Variants in RPS6KA4 observed in about 807,000 individuals in gnomAD.
The protein encoded by RPS6KA4 is ribosomal protein S6 kinase alpha-4.
RPS6KA4 carries 38 observed loss-of-function variants against 89.6 expected under a neutral mutation model. The ratio of observed to expected loss-of-function variants is 0.42; its 90% CI spans 0.33 to 0.56. The LOEUF is 0.56. Ranked by LOEUF, RPS6KA4 falls within the 20% of genes least tolerant of loss-of-function variation. The pLI, the probability that RPS6KA4 is intolerant of heterozygous loss-of-function variation, is 0.07. For synonymous variants in RPS6KA4, 495 were observed against 492.8 expected (o/e 1.00, Z -0.06); for missense variants, 873 against 1,098.8 (o/e 0.79, Z 2.90).
Position 64,361,962 on chromosome 11 carries a change from C to T in RPS6KA4, c.866C>T (p.Pro289Leu). The change falls in exon 8 of 17, where the codon CCC (proline) becomes CTC (leucine). Residue 289 changes from proline to leucine, a missense_variant. Transcript: ENST00000334205. The surrounding 1 kb of genome is among the most constrained non-coding windows in gnomAD (Gnocchi z 4.7). ...CCTAAGAAGCGATTGGGCGCGGGGCCCCAGGGGGCACAAGAAGTCCGGAAC... is the reference window on the plus strand; with the variant it reads ...CCTAAGAAGCGATTGGGCGCGGGGCTCCAGGGGGCACAAGAAGTCCGGAAC... ...KDPKKRLGAG[P>L]QGAQEVRNHP... The T allele has an allele frequency of 6.2e-7, 1 of 1,610,714 alleles. No homozygotes were observed.
chr11:64,370,803 G>A lies in RPS6KA4; in HGVS notation c.2121+77G>A. 7.0e-7 allele frequency: 1 copy of A among 1,435,562 alleles called. No individual in the cohort carries two copies. The highest frequency in any genetic ancestry group is 9.1e-7 in the Non-Finnish European group (1 of 1,094,220). The allele number at this position is 1,435,562 out of a possible 1,614,324, so 88.9% of individuals were successfully genotyped here. A position where few individuals can be genotyped will look rare whatever the true frequency, so the allele number is the denominator to read the frequency against. On this transcript the variant is annotated intron_variant, in intron 16 of 16. Transcript: ENST00000334205. The surrounding 1 kb of genome is among the most constrained non-coding windows in gnomAD (Gnocchi z 4.1). ...GGGGTCTGGGGAGGCCCGGCCATCG[G>A]AGCACAGAAAGGCGAGGTGAGGCCG...
At position 64,361,899 on chromosome 11, in the gene RPS6KA4, T is replaced by G. The variant is rs1480837394; in HGVS notation, c.803T>G (p.Val268Gly). The change falls in exon 8 of 17, where the codon GTG becomes GGG. Residue 268 changes from valine to glycine, a missense_variant. By Grantham distance (109) the Val-to-Gly change is moderately radical. Transcript: ENST00000334205. This position sits in a 1 kb window ranked among gnomAD's most constrained non-coding sequence, Gnocchi z 4.7. ...SPPFPPRIGP[V>G]AQDLLQRLLC... is the part of the protein sequence containing the mutation. ...CCCTTCCCCCCTCGGATCGGGCCCG[T>G]GGCGCAGGACCTGCTGCAGCGGCTG... 1.2e-6 allele frequency: 2 copies of G among 1,612,602 alleles called. No homozygotes were observed. The highest frequency in any genetic ancestry group is 2.2e-5 in the East Asian group (1 of 44,838).
At position 64,370,333 on chromosome 11, in the gene RPS6KA4, G is replaced by A; in HGVS notation, c.1906G>A (p.Asp636Asn). 1.9e-6 allele frequency: 3 copies of A among 1,605,004 alleles called. No homozygotes were observed. Among genetic ancestry groups the A allele is most frequent in the Non-Finnish European group, 2.5e-6 (3 of 1,177,404 alleles). Residue 636 changes from aspartate (D) to asparagine (N), a missense_variant, in exon 15 of 17, where the codon GAC becomes AAC. By Grantham distance (23) the Asp-to-Asn change is conservative. Around this residue, in one of 4 missense-constraint regions of RPS6KA4, gnomAD observed 278 missense variants for 284.8 expected, o/e 0.98. Transcript: ENST00000334205. This position sits in a 1 kb window ranked among gnomAD's most constrained non-coding sequence, Gnocchi z 4.1. ...AATCCGCGAGGGGCGCTTCTCCCTT[G>A]ACGGGGAGGCCTGGCAGGGTGTATC... ...CKIREGRFSL[D>N]GEAWQGVSEE...
chr11:64,365,191 G>A, intron 8 of RPS6KA4, 110 bp from the exon 9 acceptor site: 1 of 1,305,938 alleles, frequency 7.7e-7, no homozygotes, highest in Non-Finnish European at 1.1e-6. Flanking sequence ...CACCCCAAAT[G>A]CCAGATGGGC....
chr11:64,369,209 T>G (rs1318550747), intron 12 of RPS6KA4, among the ~76,000 whole-genome samples: 1 of 152,144 alleles, frequency 6.6e-6, no homozygotes, highest in Non-Finnish European at 1.5e-5. Flanking sequence ...GAGAATCGCT[T>G]GAACCCGGAA....
At position 64,370,239 on chromosome 11, in the gene RPS6KA4, G is replaced by A. The variant is rs756313163; in HGVS notation, c.1812G>A (p.Ser604=). The change falls in exon 15 of 17, where the codon TCG becomes TCA. Residue 604 remains serine (S), a synonymous_variant. Coordinates refer to ENST00000334205, the MANE Select transcript of RPS6KA4 (RefSeq NM_003942.3). The surrounding 1 kb of genome is among the most constrained non-coding windows in gnomAD (Gnocchi z 4.1). ...CACCCTCCTAGTACATGATGCTGTC[G>A]GGGCAGGTCCCCTTCCAGGGGGCCT... ...SLGVILYMML[S]GQVPFQGASG... 3.8e-6 allele frequency: 6 copies of A among 1,564,838 alleles called. No homozygotes were observed. Among genetic ancestry groups the A allele is most frequent in the African/African-American group, 2.8e-5 (2 of 72,064 alleles).
chr11:64,363,615 C>T (rs58851354), intron 8 of RPS6KA4, among the ~76,000 whole-genome samples: 3,273 of 152,144 alleles, frequency 0.022, 129 homozygotes, highest in African/African-American at 0.075. Flanking sequence ...CCTCAGCCTC[C>T]CGAGTAGCTG....
rs1591317717 is a variant in RPS6KA4, at chr11:64,368,392, C to G, written c.1201-76C>G. ...GGTCCTAAGCCTCTCCGACATGGGG[C>G]GTGGCGGGGCCGCGGGGCTACCAGG... On this transcript the variant is annotated intron_variant, in intron 10 of 16. Transcript: ENST00000334205. The G allele has an allele frequency of 3.2e-6, 5 of 1,540,856 alleles. No individual in the cohort carries two copies. In the South Asian group the frequency reaches 6.0e-5, roughly 18 times the overall value.
chr11:64,370,377 G>A lies in RPS6KA4; in HGVS notation c.1950G>A (p.Leu650=). 1 of 1,610,578 alleles carries A rather than the reference G, an allele frequency of 6.2e-7. No homozygotes were observed. Among genetic ancestry groups the A allele is most frequent in the South Asian group, 1.1e-5 (1 of 90,862 alleles). ...WQGVSEEAKE[L]VRGLLTVDPA... ...GTGTATCCGAGGAAGCCAAGGAGCT[G>A]GTCCGAGGTGCGGAGCTGGAGGTCA... The change falls in exon 15 of 17, where the codon CTG becomes CTA. Residue 650 remains leucine, a synonymous_variant. Transcript: ENST00000334205. The surrounding 1 kb of genome is among the most constrained non-coding windows in gnomAD (Gnocchi z 4.1).
rs1725497859 is a variant in RPS6KA4, at chr11:64,359,926, G to A, written c.128-237G>A. 5 of 579,260 alleles carry A rather than the reference G, an allele frequency of 8.6e-6. No individual in the cohort carries two copies. In the South Asian group the frequency reaches 1.1e-4, roughly 12 times the overall value. The allele number at this position is 579,260 out of a possible 1,614,324, so 35.9% of individuals were successfully genotyped here. A position where few individuals can be genotyped will look rare whatever the true frequency, so the allele number is the denominator to read the frequency against. The stretch of plus-strand genomic sequence containing the variant: ...CCCATGCCTCGCAGCAGGCCCCCTG[G>A]AGATGCATGCTCCCCAGCCTGGTTT... On this transcript the variant is annotated intron_variant, in intron 2 of 16. Transcript: ENST00000334205.
At chr11:64,368,854 G>A in intron 12 of RPS6KA4, 57 bp downstream of exon 12, 1 of 1,458,624 alleles carries the variant, frequency 6.9e-7, no homozygotes, top group Non-Finnish European at 9.4e-7. Flanking sequence ...GCGGGGCTTG[G>A]GGGCACTATG....
chr11:64,369,922 C>G (rs770642834), intron 14 of RPS6KA4, 29 bp downstream of exon 14: 11 of 1,496,574 alleles, frequency 7.4e-6, no homozygotes, highest in Admixed American at 2.2e-5. Context: ...GAGGCGGGGT[C>G]AGGGTCGCTC....
chr11:64,368,610 G>T lies in RPS6KA4; in HGVS notation c.1334+9G>T. ...AAGATCCTCAGTCGCAGGTGGGAGG[G>T]CCCAGGCGCGGGCAGGGGTGGGGGT... On this transcript the variant is annotated intron_variant, in intron 11 of 16. Coordinates refer to ENST00000334205, the MANE Select transcript of RPS6KA4 (RefSeq NM_003942.3). 1 of 1,595,458 alleles carries T rather than the reference G, an allele frequency of 6.3e-7. No homozygotes were observed.
chr11:64,368,619 C>A lies in RPS6KA4; in HGVS notation c.1334+18C>A. On this transcript the variant is annotated intron_variant, in intron 11 of 16. Transcript: ENST00000334205. ...AGTCGCAGGTGGGAGGGCCCAGGCG[C>A]GGGCAGGGGTGGGGGTGGCAGAGCG... 6.6e-7 allele frequency: 1 copy of A among 1,514,656 alleles called. No individual in the cohort carries two copies. Among genetic ancestry groups the A allele is most frequent in the Non-Finnish European group, 8.9e-7 (1 of 1,118,764 alleles). The allele number at this position is 1,514,656 out of a possible 1,614,324, so 93.8% of individuals were successfully genotyped here. A position where few individuals can be genotyped will look rare whatever the true frequency, so the allele number is the denominator to read the frequency against.
intron 9 of RPS6KA4, 106 bp downstream of exon 9, chr11:64,365,571 G>T: frequency 7.8e-7 from 1 of 1,279,946 alleles, no homozygotes; most frequent in East Asian, 2.4e-5. Context: ...GTCCTGATTG[G>T]GACTCAGCGT....
chr11:64,360,695 G>C (rs949510299), intron 4 of RPS6KA4, 103 bp downstream of exon 4: 1 of 1,004,088 alleles, frequency 1.0e-6, no homozygotes, highest in Non-Finnish European at 1.5e-6. Context: ...TGGGCTTCCT[G>C]GGGGGCCAGT....
Position 64,371,443 on chromosome 11 carries a change from C to T in RPS6KA4, c.2282C>T (p.Ala761Val), listed in dbSNP as rs757804588. The T allele has an allele frequency of 2.5e-6, 4 of 1,574,544 alleles. No homozygotes were observed. Among genetic ancestry groups the T allele is most frequent in the Non-Finnish European group, 3.5e-6 (4 of 1,157,668 alleles). Residue 761 changes from alanine (A) to valine (V), a missense_variant, in exon 17 of 17, where the codon GCC (alanine) becomes GTC (valine). Around this residue, in one of 4 missense-constraint regions of RPS6KA4, gnomAD observed 278 missense variants for 284.8 expected, o/e 0.98. Transcript: ENST00000334205. ...PGRAPVASKG[A>V]PRRANGPLPP... Reference sequence around the variant, plus strand: ...CGAGCCCCCGTCGCCTCCAAAGGGGCCCCCCGCCGAGCCAACGGCCCCCTG... The same window carrying T: ...CGAGCCCCCGTCGCCTCCAAAGGGGTCCCCCGCCGAGCCAACGGCCCCCTG...
Position 64,369,874 on chromosome 11 carries a change from G to C in RPS6KA4, c.1778G>C (p.Trp593Ser), listed in dbSNP as rs749850019. The C allele has an allele frequency of 6.4e-7, 1 of 1,551,208 alleles. No homozygotes were observed. The change falls in exon 14 of 17, where the codon TGG (tryptophan) becomes TCG (serine). Residue 593 changes from tryptophan (W) to serine (S), a missense_variant. This residue lies in a region of RPS6KA4 where 278 missense variants were observed against 284.8 expected (regional missense o/e 0.98). Transcript: ENST00000334205. ...GGCTACGACGAGTCCTGCGACCTCT[G>C]GAGCCTGGGCGTCATTCTGGTATGG... The part of the protein sequence containing the change: ...QQGYDESCDL[W>S]SLGVILYMML...
Position 64,360,379 on chromosome 11 carries a change from T to C in RPS6KA4, c.344T>C (p.Leu115Pro). ...ACGGATGCCAAGCTGCACCTCATCC[T>C]GGGTGAGCGCACACCACATCCCAAC... ...FQTDAKLHLILDYVSGGEMFT... is the reference protein window; with the variant it reads ...FQTDAKLHLIPDYVSGGEMFT... Residue 115 changes from leucine to proline, a missense_variant and splice_region_variant, in exon 3 of 17, where the codon CTG becomes CCG. By Grantham distance (98) the Leu-to-Pro change is moderately conservative. Transcript: ENST00000334205. The C allele has an allele frequency of 6.4e-7, 1 of 1,551,632 alleles. No individual in the cohort carries two copies. Among genetic ancestry groups the C allele is most frequent in the Non-Finnish European group, 8.7e-7 (1 of 1,147,252 alleles).
Sources: allele counts gnomAD v4.1 joint callset (sites outside exome capture counted in the v4.1 genomes callset), GRCh38; gene constraint gnomAD v4.1.1; regional missense constraint gnomAD v4.1.1; non-coding constraint Gnocchi (gnomAD v3.1); transcripts MANE v1.5; gene names NCBI Gene and HGNC (gene_info 2026-07-23, HGNC 2026-07-21).